Variants in ASPM observed in about 807,000 individuals in gnomAD.
ASPM encodes the protein abnormal spindle-like microcephaly-associated protein.
Under a neutral mutation model 366.4 loss-of-function variants are expected in ASPM, and 256 were observed. The observed-to-expected ratio is 0.70, with a 90% CI of 0.63 to 0.77. The LOEUF (loss-of-function observed/expected upper bound fraction) is 0.77, where lower values mean the gene tolerates loss of function less well. Among genes scored for constraint, ASPM ranks in the 30% least tolerant of loss-of-function variants. The pLI is 0.00. For missense variants in ASPM, 4,146 were observed against 4,090.4 expected (o/e 1.01, Z -0.37); for synonymous variants, 1,414 against 1,342.9 (o/e 1.05, Z -1.16).
chr1:197,090,964 A>G lies in ASPM; in HGVS notation c.9522T>C (p.Gly3174=). 1.2e-6 allele frequency: 2 copies of G among 1,612,950 alleles called. No homozygotes were observed. The highest frequency in any genetic ancestry group is 1.7e-6 in the Non-Finnish European group (2 of 1,179,244). ...YHSIKKIEHE[G]QECLSQRNRA... is the part of the protein sequence containing the mutation. Reference sequence around the variant, plus strand: ...TATTTCGCTGGCTCAGACATTCTTGACCTTCATGCTCAATCTTTTTGATGC... The same window carrying G: ...TATTTCGCTGGCTCAGACATTCTTGGCCTTCATGCTCAATCTTTTTGATGC... The change falls in exon 23 of 28, where the codon GGT becomes GGC. Residue 3174 remains glycine, a synonymous_variant. Transcript: ENST00000367409.
At position 197,093,075 on chromosome 1, in the gene ASPM, G is replaced by A. The variant is rs760152566; in HGVS notation, c.9271C>T (p.Arg3091Cys). The A allele has an allele frequency of 2.2e-5, 36 of 1,610,726 alleles. No individual in the cohort carries two copies. Among genetic ancestry groups the A allele is most frequent in the South Asian group, 1.2e-4 (11 of 91,008 alleles). The change falls in exon 21 of 28, where the codon CGT becomes TGT. Residue 3091 changes from arginine (R) to cysteine (C), a missense_variant. Arg to Cys is a radical substitution (Grantham distance 180, BLOSUM62 -3). Coordinates refer to ENST00000367409, the MANE Select transcript of ASPM (RefSeq NM_018136.5). ...KSTVILQALVRGWLVRKRFLE... is the reference protein window; with the variant it reads ...KSTVILQALVCGWLVRKRFLE... ...ACTCTTTTTCGTACTAGCCAACCAC[G>A]CACCAGTGCTTGTAGGATAACTGTA...
intron 25 of ASPM, among the ~76,000 whole-genome samples, chr1:197,089,684 AATC>A (rs1465469410): frequency 1.3e-5 from 2 of 152,006 alleles, no homozygotes; most frequent in East Asian, 3.8e-4. Flanking sequence ...AATAACTTTT[AATC>A]ATCATTGTTT....
Position 197,128,483 on chromosome 1 carries a change from T to C in ASPM, c.2936+7A>G, listed in dbSNP as rs768594821. On this transcript the variant is annotated splice_region_variant and intron_variant, in intron 10 of 27. Coordinates refer to ENST00000367409, the MANE Select transcript of ASPM (RefSeq NM_018136.5). ...TTAAGCAAAATAATTCTATTTCTTA[T>C]ACGTACACAAGGCGCACTCCACATT... The C allele has an allele frequency of 1.2e-6, 2 of 1,607,404 alleles. No homozygotes were observed. The highest frequency in any genetic ancestry group is 1.7e-6 in the Non-Finnish European group (2 of 1,173,920).
At position 197,101,387 on chromosome 1, in the gene ASPM, G is replaced by T; in HGVS notation, c.7864C>A (p.Gln2622Lys). ...FQDMNIKKQIQEQHQAAIIIQ... is the reference protein window; with the variant it reads ...FQDMNIKKQIKEQHQAAIIIQ... ...ATAATGGCAGCCTGGTGCTGTTCCT[G>T]AATCTGTTTTTTTATGTTCATGTCC... Residue 2622 changes from glutamine (Q) to lysine (K), a missense_variant, in exon 18 of 28, where the codon CAG (glutamine) becomes AAG (lysine). Physicochemically the swap from Gln to Lys is moderately conservative, Grantham distance 53 (BLOSUM62 1). Around this residue, in one of 3 missense-constraint regions of ASPM, gnomAD observed 3,624 missense variants for 3,591.7 expected, o/e 1.01. Transcript: ENST00000367409. 2.5e-6 allele frequency: 4 copies of T among 1,608,896 alleles called. No individual in the cohort carries two copies. Among genetic ancestry groups the T allele is most frequent in the East Asian group, 2.2e-5 (1 of 44,680 alleles).
chr1:197,135,254 AT>A lies in ASPM; in HGVS notation c.2027-13del, dbSNP rs773675080. The stretch of plus-strand genomic sequence containing the variant: ...GTGTCTGGGAATATCTAAGAATACA[AT>A]TAGGTTACTGCATAACAAAATTTCC... On this transcript the variant is annotated splice_polypyrimidine_tract_variant and intron_variant, in intron 4 of 27. Coordinates refer to ENST00000367409, the MANE Select transcript of ASPM (RefSeq NM_018136.5). 6.3e-5 allele frequency: 102 copies of A among 1,613,664 alleles called. No homozygotes were observed. The highest frequency in any genetic ancestry group is 1.4e-5 in the Non-Finnish European group (16 of 1,179,746).
At chr1:197,123,466 G>A (rs746773574) in intron 13 of ASPM, among the ~76,000 whole-genome samples, 30 of 152,014 alleles carry the variant, frequency 2.0e-4, no homozygotes, top group Non-Finnish European at 3.1e-4. Context: ...AATTAATACC[G>A]ATGATCAACT....
In ASPM at chr1:197,144,038, C is replaced by T; in HGVS notation, c.360G>A (p.Glu120=). 1 of 1,610,816 alleles carries T rather than the reference C, an allele frequency of 6.2e-7. No individual in the cohort carries two copies. The highest frequency in any genetic ancestry group is 8.5e-7 in the Non-Finnish European group (1 of 1,177,322). ...CATCATTTACAAGAAATGTCATAAT[C>T]TCTCTTACTCGGCCTTCTTTGAGTG... The part of the protein sequence containing the change: ...WTPLKEGRVR[E]IMTFLVNDVL... The change falls in exon 2 of 28, where the codon GAG becomes GAA. Residue 120 remains glutamate (E), a synonymous_variant. Transcript: ENST00000367409.
At chr1:197,122,666 A>T (rs768175299) in intron 13 of ASPM, 71 bp from the exon 14 acceptor site, 1 of 1,377,316 alleles carries the variant, frequency 7.3e-7, no homozygotes, top group Non-Finnish European at 1.0e-6. Flanking sequence ...TTTGCAGAAT[A>T]CCTGTGAATA....
At chr1:197,128,379 A>T in intron 10 of ASPM, 111 bp downstream of exon 10, 1 of 1,167,030 alleles carries the variant, frequency 8.6e-7, no homozygotes, top group Non-Finnish European at 1.3e-6. Flanking sequence ...TTTCAGTACT[A>T]AATTTATTGT....
chr1:197,091,809 G>A (rs932168798), intron 22 of ASPM, 98 bp downstream of exon 22: 19 of 1,274,758 alleles, frequency 1.5e-5, no homozygotes, highest in African/African-American at 3.0e-5. Flanking sequence ...AATGTTGTAC[G>A]ACCTTAGCAT....
chr1:197,102,336 G>C lies in ASPM; in HGVS notation c.6915C>G (p.His2305Gln), dbSNP rs1363484310. 3.1e-6 allele frequency: 5 copies of C among 1,612,592 alleles called. No homozygotes were observed. The highest frequency in any genetic ancestry group is 4.2e-6 in the Non-Finnish European group (5 of 1,179,140). ...CATTTTGTACCTGAAGGAACTGTAA[G>C]TGATGCTTTGTACAAAGATGTGCCC... ...KYRAHLCTKH[H>Q]LQFLQVQNAV... The change falls in exon 18 of 28, where the codon CAC becomes CAG. Residue 2305 changes from histidine (H) to glutamine (Q), a missense_variant. By Grantham distance (24) the His-to-Gln change is conservative. Around this residue, in one of 3 missense-constraint regions of ASPM, gnomAD observed 3,624 missense variants for 3,591.7 expected, o/e 1.01. Transcript: ENST00000367409.
In ASPM at chr1:197,103,168, T is replaced by C. The variant is rs1657258317; in HGVS notation, c.6083A>G (p.Gln2028Arg). Residue 2028 changes from glutamine (Q) to arginine (R), a missense_variant, in exon 18 of 28, where the codon CAG (glutamine) becomes CGG (arginine). Gln to Arg is a conservative substitution (Grantham distance 43). Around this residue, in one of 3 missense-constraint regions of ASPM, gnomAD observed 3,624 missense variants for 3,591.7 expected, o/e 1.01. Transcript: ENST00000367409. ...CACTTTCATACCACGATAAGCTGAC[T>C]GTAAAGTTACTACAGCTGCTTTTGT... ...LKTKAAVVTL[Q>R]SAYRGMKVRK... is the part of the protein sequence containing the mutation. 6.2e-7 allele frequency: 1 copy of C among 1,612,774 alleles called. No individual in the cohort carries two copies. Among genetic ancestry groups the C allele is most frequent in the Non-Finnish European group, 8.5e-7 (1 of 1,179,354 alleles).
chr1:197,095,045 G>T (rs551543681), intron 19 of ASPM, among the ~76,000 whole-genome samples: 1 of 151,802 alleles, frequency 6.6e-6, no homozygotes, highest in South Asian at 2.1e-4. Flanking sequence ...TCAAATCAGG[G>T]TAAATGGGAT....
chr1:197,120,957 G>A (rs1157288764), intron 16 of ASPM, among the ~76,000 whole-genome samples: 1 of 152,046 alleles, frequency 6.6e-6, no homozygotes, highest in Non-Finnish European at 1.5e-5. Flanking sequence ...AGTCTGGTGT[G>A]AAATGAAAAA....
chr1:197,086,754 G>T, intron 27 of ASPM, 49 bp downstream of exon 27: 1 of 1,452,342 alleles, frequency 6.9e-7, no homozygotes, highest in South Asian at 1.1e-5. Flanking sequence ...TTTGTTAAAT[G>T]AATGAATGAA....
chr1:197,143,516 T>C lies in ASPM; in HGVS notation c.736A>G (p.Thr246Ala), dbSNP rs1009162137. Residue 246 changes from threonine to alanine, a missense_variant, in exon 3 of 28, where the codon ACC (threonine) becomes GCC (alanine). Physicochemically the swap from Thr to Ala is moderately conservative, Grantham distance 58. Around this residue, in one of 3 missense-constraint regions of ASPM, gnomAD observed 512 missense variants for 471.7 expected, o/e 1.09. Transcript: ENST00000367409. ...TCTGATGCATGAAGAGATGAGTAGG[T>C]AGTAGATCGACGTACAGAGAGTGGC... ...CLPLSVRRST[T>A]YSSLHASENR... 2 of 1,614,004 alleles carry C rather than the reference T, an allele frequency of 1.2e-6. No homozygotes were observed. Among genetic ancestry groups the C allele is most frequent in the African/African-American group, 2.7e-5 (2 of 75,058 alleles).
At chr1:197,126,463 AAAAAG>A (rs1297763546) in intron 10 of ASPM, among the ~76,000 whole-genome samples, 1,540 of 57,608 alleles carry the variant, frequency 0.027, 185 homozygotes, top group East Asian at 0.12. Flanking sequence ...AAAAAAAAAA[AAAAAG>A]GGAGGGGGAC....
At chr1:197,132,393 T>A in intron 6 of ASPM, 41 bp from the exon 7 acceptor site, 1 of 1,543,670 alleles carries the variant, frequency 6.5e-7, no homozygotes, top group African/African-American at 1.4e-5. Flanking sequence ...AAATTGATAA[T>A]CAAATAGAGA....
intron 10 of ASPM, among the ~76,000 whole-genome samples, 162 bp downstream of exon 10, chr1:197,128,323 CATTGA>C (rs1354289327): frequency 4.3e-5 from 6 of 138,134 alleles, no homozygotes; most frequent in Non-Finnish European, 3.1e-5. Flanking sequence ...CTGGACATAA[CATTGA>C]TGTACCACTT....
Sources: allele counts gnomAD v4.1 joint callset (sites outside exome capture counted in the v4.1 genomes callset), GRCh38; gene constraint gnomAD v4.1.1; regional missense constraint gnomAD v4.1.1; transcripts MANE v1.5; gene names NCBI Gene and HGNC (gene_info 2026-07-23, HGNC 2026-07-21).